UROS: variants seen among roughly 807,000 people sequenced by gnomAD.
UROS encodes uroporphyrinogen III synthase.
In UROS, 18 loss-of-function variants were observed where a neutral mutation model predicts 33.0. The ratio of observed to expected loss-of-function variants is 0.55; its 90% CI spans 0.38 to 0.81. The LOEUF (loss-of-function observed/expected upper bound fraction) is 0.81. Ranked by LOEUF, UROS falls within the 30% of genes least tolerant of loss-of-function variation. The pLI is 0.00. For synonymous variants in UROS, 114 were observed against 121.1 expected (o/e 0.94, Z 0.38); for missense variants, 293 against 314.9 (o/e 0.93, Z 0.53).
intron 4 of UROS, 120 bp downstream of exon 4, chr10:125,814,914 C>G: frequency 8.8e-7 from 1 of 1,137,194 alleles, no homozygotes; most frequent in Middle Eastern, 1.9e-4. Flanking sequence ...AGTCTGTGAC[C>G]TGATACCACT....
chr10:125,791,106 AAT>A (rs1365663592), intron 9 of UROS, among the ~76,000 whole-genome samples: 6 of 145,826 alleles, frequency 4.1e-5, no homozygotes, highest in African/African-American at 1.5e-4. Context: ...AAAAAAAAAA[AAT>A]TGTATTCAGA....
At chr10:125,796,017 C>A (rs980490264) in intron 8 of UROS, 86 bp downstream of exon 8, 25 of 1,208,994 alleles carry the variant, frequency 2.1e-5, no homozygotes, top group Non-Finnish European at 3.1e-5. Flanking sequence ...ACATATAGAA[C>A]CAACATCTAT....
At chr10:125,796,037 C>A (rs1227378029) in intron 8 of UROS, 66 bp downstream of exon 8, 10 of 1,406,344 alleles carry the variant, frequency 7.1e-6, no homozygotes, top group South Asian at 1.1e-5. Context: ...TCAGCTCGTG[C>A]CCTTCACCCT....
rs1853341983 is a variant in UROS at position 125,816,540 on chromosome 10, G to C, written c.-26-15C>G. 9 of 1,613,448 alleles carry C rather than the reference G, an allele frequency of 5.6e-6. 1 individual carries two copies. In the African/African-American group the frequency reaches 1.1e-4, roughly 19 times the overall value. On this transcript the variant is annotated splice_polypyrimidine_tract_variant and intron_variant, in intron 1 of 9. Transcript: ENST00000368797. ...CTTATAGGGCACTGCGACAGAGCAA[G>C]GAAACAGATCTTAATTAGATCTCAA... is the stretch of plus-strand genomic sequence containing the variant.
chr10:125,815,062 T>C lies in UROS; in HGVS notation c.216A>G (p.Leu72=), dbSNP rs763655825. Residue 72 remains leucine, a synonymous_variant, in exon 4 of 10, where the codon TTA becomes TTG. Coordinates refer to ENST00000368797, the MANE Select transcript of UROS (RefSeq NM_000375.3). ...TSPRAVEAAE[L]CLEQNNKTEV... ...CAGTTTTATTGTTTTGCTCCAAACA[T>C]AACTCTGCTGCTTCCACTGCTCTGG... is the stretch of plus-strand genomic sequence containing the variant. 7 of 1,614,080 alleles carry C rather than the reference T, an allele frequency of 4.3e-6. No homozygotes were observed. Among genetic ancestry groups the C allele is most frequent in the African/African-American group, 4.0e-5 (3 of 74,926 alleles).
chr10:125,803,728 G>A lies in UROS; in HGVS notation c.394+3685C>T, dbSNP rs76383848. 3.3e-3 allele frequency among the ~76,000 whole-genome samples: 509 copies of A among 152,280 alleles called. 24 individuals are homozygous for A. In the East Asian group the frequency reaches 0.083, roughly 25 times the overall value. On this transcript the variant is annotated intron_variant, in intron 6 of 9. Coordinates refer to ENST00000368797, the MANE Select transcript of UROS (RefSeq NM_000375.3). The stretch of plus-strand genomic sequence containing the variant: ...GTAAGGCCCCGTGCCTCAGGGCTCC[G>A]GTCAACTCTCAGAGGCTACTCAGTG...
downstream of UROS, chr10:125,785,601 A>G (rs1349568665): frequency 1.3e-5 from 2 of 152,262 alleles, no homozygotes; most frequent in East Asian, 3.8e-4. Context: ...TTAACTCATT[A>G]AGTGAGTGAC....
chr10:125,810,609 A>G (rs1852721540), intron 5 of UROS, among the ~76,000 whole-genome samples: 1 of 152,138 alleles, frequency 6.6e-6, no homozygotes, highest in Admixed American at 6.5e-5. Flanking sequence ...ATTTGGGGGT[A>G]ATTTGTTACG....
rs1854156566 is a variant in UROS at position 125,823,163 on chromosome 10, AGGGG to A, written c.-165_-162del. The A allele has an allele frequency of 5.8e-6, 1 of 171,232 alleles. No individual in the cohort carries two copies. Among genetic ancestry groups the A allele is most frequent in the Non-Finnish European group, 1.2e-5 (1 of 80,684 alleles). 10.6% of individuals were successfully genotyped at this position (171,232 alleles called of 1,614,324 possible). On this transcript the variant is annotated 5_prime_UTR_variant, in exon 1 of 10. The change creates a premature stop within an existing upstream ORF in the 5' untranslated region. Transcript: ENST00000368797. ...GGAAGCCCCCTCCCCACGCAGCCCG[AGGGG>A]CCGCGGCGGCCACCCGCGCCGGGCC...
chr10:125,821,757 GTCT>G lies in UROS; in HGVS notation c.-27+1269_-27+1271del, dbSNP rs1167607504. Among the ~76,000 whole-genome samples the G allele has an allele frequency of 2.6e-5, 4 of 152,138 alleles. No individual in the cohort carries two copies. In the East Asian group the frequency reaches 7.7e-4, roughly 29 times the overall value. ...TTTTCTAATCTTAGCCTTTTGATGG[GTCT>G]TTTTTGACAGCTTCCTCTCTTCTCC... On this transcript the variant is annotated intron_variant, in intron 1 of 9. Transcript: ENST00000368797.
At chr10:125,800,197 C>G (rs916576183) in intron 6 of UROS, among the ~76,000 whole-genome samples, 1 of 152,156 alleles carries the variant, frequency 6.6e-6, no homozygotes, top group Admixed American at 6.5e-5. Context: ...GGGAAGGGTC[C>G]CCGGTGAGAC....
chr10:125,822,868 G>C (rs972771329), intron 1 of UROS, among the ~76,000 whole-genome samples, 161 bp downstream of exon 1: 1 of 152,226 alleles, frequency 6.6e-6, no homozygotes, highest in African/African-American at 2.4e-5. Context: ...TTCCGTCACC[G>C]GCGCAGCGGT....
At chr10:125,820,964 C>T (rs949075337) in intron 1 of UROS, among the ~76,000 whole-genome samples, 4 of 152,178 alleles carry the variant, frequency 2.6e-5, no homozygotes, top group African/African-American at 9.7e-5. Context: ...ACACTTTGAC[C>T]ATGAGCTCAA....
At chr10:125,803,308 A>C (rs1851994106) in intron 6 of UROS, among the ~76,000 whole-genome samples, 1 of 152,182 alleles carries the variant, frequency 6.6e-6, no homozygotes, top group Admixed American at 6.5e-5. Flanking sequence ...CAGACTCATA[A>C]CGGGCCCTCA....
chr10:125,802,984 C>A (rs779700185), intron 6 of UROS: 4 of 1,612,910 alleles, frequency 2.5e-6, no homozygotes, highest in Middle Eastern at 1.6e-4. Flanking sequence ...CACGTCCAAA[C>A]CCACTTTCTT....
intron 2 of UROS, 46 bp downstream of exon 2, chr10:125,816,391 C>T: frequency 6.2e-7 from 1 of 1,612,612 alleles, no homozygotes; most frequent in Non-Finnish European, 8.5e-7. Flanking sequence ...GGCCCCTTGA[C>T]TCAGTAGAAA....
chr10:125,798,470 G>A lies in UROS; in HGVS notation c.395-325C>T, dbSNP rs1235931664. On this transcript the variant is annotated intron_variant, in intron 6 of 9. Transcript: ENST00000368797. ...GCCTGCAGTCACTATTTAGAAGGCA[G>A]ACTTTGCACCTTAACTAAGTCAGGA... Among the ~76,000 whole-genome samples, 3 of 152,356 alleles carry A rather than the reference G, an allele frequency of 2.0e-5. No homozygotes were observed. The East Asian group carries it at 5.8e-4, about 29-fold the overall frequency.
chr10:125,803,136 C>T (rs747444317), intron 6 of UROS: 1 of 1,447,582 alleles, frequency 6.9e-7, no homozygotes, highest in Non-Finnish European at 9.5e-7. Context: ...AGGCTTGAGC[C>T]CCAGCCTACC....
chr10:125,792,033 A>C (rs1245718072), intron 9 of UROS: 1 of 152,184 alleles, frequency 6.6e-6, no homozygotes, highest in Non-Finnish European at 1.5e-5. Flanking sequence ...CAGGAGTTTG[A>C]GATCAGCCTA....
Sources: allele counts gnomAD v4.1 joint callset (sites outside exome capture counted in the v4.1 genomes callset), GRCh38; gene constraint gnomAD v4.1.1; transcripts MANE v1.5; gene names NCBI Gene and HGNC (gene_info 2026-07-23, HGNC 2026-07-21).